Variants in FBXO40 observed in about 807,000 individuals in gnomAD.
The protein encoded by FBXO40 is F-box protein 40.
Under a neutral mutation model 49.9 loss-of-function variants are expected in FBXO40, and 50 were observed. The ratio of observed to expected loss-of-function variants is 1.00; its 90% CI spans 0.80 to 1.27. FBXO40 has a LOEUF of 1.27. FBXO40 is among the 50% of genes most tolerant of loss of function. The pLI, the probability that FBXO40 is intolerant of heterozygous loss-of-function variation, is 0.00. For missense variants in FBXO40, 895 were observed against 870.1 expected, an observed-to-expected ratio of 1.03 and a Z score of -0.36; for synonymous variants, 340 against 320.2, an observed-to-expected ratio of 1.06 and a Z score of -0.66.
intron 1 of FBXO40, among the ~76,000 whole-genome samples, chr3:121,603,711 A>G (rs543451833): frequency 2.0e-5 from 3 of 151,794 alleles, no homozygotes; most frequent in Non-Finnish European, 2.9e-5. Context: ...TTTTTATTTT[A>G]TTTTATTTTT....
intron 1 of FBXO40, among the ~76,000 whole-genome samples, chr3:121,605,561 G>A (rs1188480631): frequency 2.6e-5 from 4 of 152,178 alleles, no homozygotes; most frequent in Non-Finnish European, 5.9e-5. Flanking sequence ...TCCTGCAGAG[G>A]TGGTTAGTCA....
Position 121,622,990 on chromosome 3 carries a change from G to A in FBXO40, c.1561G>A (p.Val521Ile), listed in dbSNP as rs1479360027. The A allele has an allele frequency of 6.2e-7, 1 of 1,614,204 alleles. No individual in the cohort carries two copies. The highest frequency in any genetic ancestry group is 1.3e-5 in the African/African-American group (1 of 75,058). The change falls in exon 3 of 4, where the codon GTT becomes ATT. Residue 521 changes from valine to isoleucine, a missense_variant. Val to Ile is a conservative substitution (Grantham distance 29). Transcript: ENST00000338040. ...CPLAYLGCTF[V>I]QNHFRPPGQK... is the part of the protein sequence containing the mutation. ...CCTCGCCTACTTGGGATGTACATTT[G>A]TTCAAAACCATTTCCGTCCCCCAGG... is the stretch of plus-strand genomic sequence containing the variant.
At chr3:121,620,492 T>G in intron 1 of FBXO40, 54 bp from the exon 2 acceptor site, 2 of 1,519,436 alleles carry the variant, frequency 1.3e-6, no homozygotes. Flanking sequence ...TCTATTAATA[T>G]AGGTAACCTA....
chr3:121,618,336 T>G (rs912582998), intron 1 of FBXO40, among the ~76,000 whole-genome samples: 19 of 151,696 alleles, frequency 1.3e-4, no homozygotes, highest in East Asian at 1.9e-4. Context: ...CAAGCTGAAG[T>G]ACTTAGGGAT....
At chr3:121,594,429 G>A (rs538056973) in intron 1 of FBXO40, among the ~76,000 whole-genome samples, 2 of 152,222 alleles carry the variant, frequency 1.3e-5, no homozygotes, top group South Asian at 4.2e-4. Context: ...TTGAACTCCT[G>A]GCCTCAAGTG....
In FBXO40 at chr3:121,623,045, A is replaced by G. The variant is rs1234372308; in HGVS notation, c.1616A>G (p.Glu539Gly). 6.2e-7 allele frequency: 1 copy of G among 1,614,210 alleles called. No homozygotes were observed. The highest frequency in any genetic ancestry group is 2.2e-5 in the East Asian group (1 of 44,874). Residue 539 changes from glutamate to glycine, a missense_variant, in exon 3 of 4, where the codon GAG (glutamate) becomes GGG (glycine). By Grantham distance (98) the Glu-to-Gly change is moderately conservative. Coordinates refer to ENST00000338040, the MANE Select transcript of FBXO40 (RefSeq NM_016298.4). ...GQKAKVIYSQ[E>G]LKTFAIKPEV... ...AAGGCAAAAGTAATCTATAGCCAGG[A>G]GCTCAAGACCTTTGCCATTAAGCCG...
chr3:121,601,274 C>T (rs1576449995), intron 1 of FBXO40, among the ~76,000 whole-genome samples: 1 of 152,168 alleles, frequency 6.6e-6, no homozygotes, highest in East Asian at 1.9e-4. Context: ...TTCATCTTCC[C>T]CCTTCCTTTC....
In FBXO40 at chr3:121,627,799, C is replaced by T. The variant is rs1046933912; in HGVS notation, c.*889C>T. On this transcript the variant is annotated 3_prime_UTR_variant, in exon 4 of 4. Transcript: ENST00000338040. ...CTGAAATGACCTCAATACACTAATG[C>T]CAACCTCAGCGTCATGCCAGAATGC... The T allele has an allele frequency of 5.0e-6, 2 of 398,608 alleles. No homozygotes were observed. Among genetic ancestry groups the T allele is most frequent in the Non-Finnish European group, 8.8e-6 (2 of 226,056 alleles). 24.7% of individuals were successfully genotyped at this position (398,608 alleles called of 1,614,324 possible).
chr3:121,620,446 G>A (rs1347532578), intron 1 of FBXO40, 100 bp from the exon 2 acceptor site: 17 of 1,074,852 alleles, frequency 1.6e-5, no homozygotes, highest in Non-Finnish European at 2.2e-5. Flanking sequence ...ATGGTGGAAG[G>A]AATTAAATGA....
intron 1 of FBXO40, among the ~76,000 whole-genome samples, chr3:121,598,318 C>T (rs1190853310): frequency 1.3e-5 from 2 of 152,208 alleles, no homozygotes; most frequent in Admixed American, 6.5e-5. Context: ...AGTTTATTTC[C>T]TTGTGAAGGG....
At position 121,622,562 on chromosome 3, in the gene FBXO40, T is replaced by G; in HGVS notation, c.1133T>G (p.Val378Gly). 1.9e-6 allele frequency: 3 copies of G among 1,614,184 alleles called. No individual in the cohort carries two copies. The East Asian group carries it at 6.7e-5, about 36-fold the overall frequency. Residue 378 changes from valine to glycine, a missense_variant, in exon 3 of 4, where the codon GTG becomes GGG. Transcript: ENST00000338040. ...LSCKPSEHKA[V>G]DTSDLGITVE... ...TGTAAGCCAAGTGAACACAAGGCAG[T>G]GGATACTTCAGATTTGGGGATCACT...
chr3:121,594,912 T>C (rs1198310436), intron 1 of FBXO40, among the ~76,000 whole-genome samples: 1 of 152,192 alleles, frequency 6.6e-6, no homozygotes, highest in Non-Finnish European at 1.5e-5. Context: ...TTTAGACAGA[T>C]AGTTTCTCGC....
chr3:121,622,540 A>G lies in FBXO40; in HGVS notation c.1111A>G (p.Lys371Glu). The G allele has an allele frequency of 6.2e-7, 1 of 1,614,222 alleles. No individual in the cohort carries two copies. The highest frequency in any genetic ancestry group is 1.1e-5 in the South Asian group (1 of 91,078). ...ARLGDAMLSC[K>E]PSEHKAVDTS... is the part of the protein sequence containing the mutation. ...ACTTGGAGATGCCATGTTGAGTTGT[A>G]AGCCAAGTGAACACAAGGCAGTGGA... is the stretch of plus-strand genomic sequence containing the variant. The change falls in exon 3 of 4, where the codon AAG becomes GAG. Residue 371 changes from lysine to glutamate, a missense_variant. Coordinates refer to ENST00000338040, the MANE Select transcript of FBXO40 (RefSeq NM_016298.4).
intron 1 of FBXO40, among the ~76,000 whole-genome samples, chr3:121,594,679 CT>C (rs890239299): frequency 2.0e-5 from 3 of 152,110 alleles, no homozygotes; most frequent in East Asian, 1.9e-4. Context: ...AGTTTAACAC[CT>C]TTTTTTCGCC....
chr3:121,621,835 G>C lies in FBXO40; in HGVS notation c.406G>C (p.Val136Leu), dbSNP rs549329473. The C allele has an allele frequency of 5.6e-6, 9 of 1,614,064 alleles. No homozygotes were observed. Among genetic ancestry groups the C allele is most frequent in the South Asian group, 1.1e-5 (1 of 91,094 alleles). Residue 136 changes from valine to leucine, a missense_variant, in exon 3 of 4, where the codon GTC becomes CTC. By Grantham distance (32) the Val-to-Leu change is conservative (BLOSUM62 1). Transcript: ENST00000338040. ...DTALALQDQK[V>L]LFRSLKMVEL... ...AGCCCTGGCCCTGCAGGATCAGAAG[G>C]TCCTCTTCAGATCCTTGAAAATGGT...
At chr3:121,606,690 A>AAAT (rs2048933470) in intron 1 of FBXO40, among the ~76,000 whole-genome samples, 2 of 152,236 alleles carry the variant, frequency 1.3e-5, no homozygotes, top group Admixed American at 1.3e-4. Context: ...GGACTTAATT[A>AAAT]TAAGTTTCCC....
Position 121,626,865 on chromosome 3 carries a change from A to C in FBXO40, c.2085A>C (p.Leu695Phe). Reference sequence around the variant, plus strand: ...CCCGTGAGCAGGCCCGAGAGAGCTTAGTCTCCACCTTTAGAATCAGACCAC... The same window carrying C: ...CCCGTGAGCAGGCCCGAGAGAGCTTCGTCTCCACCTTTAGAATCAGACCAC... Reference protein sequence around the residue: ...CQPREQARESLVSTFRIRPRG... With the variant: ...CQPREQARESFVSTFRIRPRG... The change falls in exon 4 of 4, where the codon TTA becomes TTC. Residue 695 changes from leucine to phenylalanine, a missense_variant. Coordinates refer to ENST00000338040, the MANE Select transcript of FBXO40 (RefSeq NM_016298.4). 1 of 1,614,138 alleles carries C rather than the reference A, an allele frequency of 6.2e-7. No individual in the cohort carries two copies. Among genetic ancestry groups the C allele is most frequent in the Non-Finnish European group, 8.5e-7 (1 of 1,180,030 alleles).
intron 1 of FBXO40, among the ~76,000 whole-genome samples, chr3:121,613,220 G>T (rs1049409906): frequency 6.6e-6 from 1 of 152,058 alleles, no homozygotes; most frequent in African/African-American, 2.4e-5. Context: ...CTCCTTGTCC[G>T]CAAGATTGTA....
intron 1 of FBXO40, among the ~76,000 whole-genome samples, chr3:121,618,255 G>T (rs1389726181): frequency 2.0e-5 from 3 of 151,890 alleles, no homozygotes; most frequent in African/African-American, 7.3e-5. Flanking sequence ...CATTTTACAT[G>T]ATATTAGAAA....
Sources: gnomAD v4.1 joint callset for allele counts (sites outside exome capture counted in the v4.1 genomes callset) on GRCh38, gnomAD v4.1.1 for gene constraint, MANE v1.5 for transcripts, NCBI Gene and HGNC (gene_info 2026-07-23, HGNC 2026-07-21) for gene names.